Variants in GPC3 observed in about 807,000 individuals in gnomAD.
GPC3 encodes glypican 3.
In GPC3, 3 loss-of-function variants were observed where a neutral mutation model predicts 34.4. The observed-to-expected ratio is 0.09, with a 90% CI of 0.04 to 0.23. The LOEUF (loss-of-function observed/expected upper bound fraction) is 0.23, where lower values mean the gene tolerates loss of function less well. Among genes scored for constraint, GPC3 ranks in the 10% least tolerant of loss-of-function variants. The pLI is 1.00. For missense variants in GPC3, 351 were observed against 445.6 expected, an observed-to-expected ratio of 0.79 and a Z score of 1.91; for synonymous variants, 177 against 174.0, an observed-to-expected ratio of 1.02 and a Z score of -0.13.
chrX:133,581,235 A>G (rs927227940), intron 7 of GPC3, among the ~76,000 whole-genome samples: 3 of 112,312 alleles, frequency 2.7e-5, no homozygotes, highest in East Asian at 5.6e-4. Flanking sequence ...TGAGGAAAAA[A>G]GTTTATGGAT....
intron 7 of GPC3, among the ~76,000 whole-genome samples, chrX:133,559,278 A>C (rs2069521695): frequency 9.0e-6 from 1 of 111,627 alleles, no homozygotes; most frequent in African/African-American, 3.3e-5. Context: ...GGCATTGGGG[A>C]CAGGAGAACC....
chrX:133,536,245 T>A lies in GPC3; in HGVS notation c.1622A>T (p.Gln541Leu). The change falls in exon 8 of 8, where the codon CAG becomes CTG. Residue 541 changes from glutamine (Q) to leucine (L), a missense_variant. Coordinates refer to ENST00000370818, the MANE Select transcript of GPC3 (RefSeq NM_004484.4). ...DVDDAPGNSQQATPKDNEIST... is the reference protein window; with the variant it reads ...DVDDAPGNSQLATPKDNEIST... ...TATCTCGTTGTCCTTCGGAGTTGCCTGCTGACTGTTTCCAGGCGCATCATC... is the reference window on the plus strand; with the variant it reads ...TATCTCGTTGTCCTTCGGAGTTGCCAGCTGACTGTTTCCAGGCGCATCATC... 1 of 1,204,709 alleles carries A rather than the reference T, an allele frequency of 8.3e-7. No individual in the cohort carries two copies.
chrX:133,853,835 G>A (rs1381954381), intron 2 of GPC3, among the ~76,000 whole-genome samples: 1 of 112,053 alleles, frequency 8.9e-6, no homozygotes, highest in Non-Finnish European at 1.9e-5. Context: ...ACTGCTGTGA[G>A]GTGTAGGGGA....
At chrX:133,724,284 C>G (rs901070022) in intron 3 of GPC3, among the ~76,000 whole-genome samples, 3 of 111,953 alleles carry the variant, frequency 2.7e-5, no homozygotes, top group Non-Finnish European at 5.6e-5. Flanking sequence ...ATTCAACTAG[C>G]TGAAGGTAAT....
chrX:133,906,153 C>G (rs866802930), intron 2 of GPC3, among the ~76,000 whole-genome samples: 1 of 111,703 alleles, frequency 9.0e-6, no homozygotes, highest in Non-Finnish European at 1.9e-5. Context: ...AACTCAAAAC[C>G]ATTCTATTTC....
intron 2 of GPC3, among the ~76,000 whole-genome samples, chrX:133,817,418 G>A (rs758782060): frequency 1.8e-5 from 2 of 111,233 alleles, no homozygotes; most frequent in East Asian, 2.8e-4. Context: ...TTTTCCTAAG[G>A]GAAGTGTGGT....
At chrX:133,619,485 T>C (rs2070205891) in intron 6 of GPC3, among the ~76,000 whole-genome samples, 1 of 112,021 alleles carries the variant, frequency 8.9e-6, no homozygotes, top group African/African-American at 3.2e-5. Flanking sequence ...TTCTATACAA[T>C]GAAATACTAT....
chrX:133,892,488 G>T (rs764899186), intron 2 of GPC3, among the ~76,000 whole-genome samples: 4 of 111,414 alleles, frequency 3.6e-5, no homozygotes, highest in African/African-American at 6.5e-5. Flanking sequence ...CTTTAACCTT[G>T]CTGAATGGGG....
intron 3 of GPC3, among the ~76,000 whole-genome samples, chrX:133,726,619 A>T (rs1354086244): frequency 1.8e-5 from 2 of 110,910 alleles, no homozygotes; most frequent in Non-Finnish European, 3.8e-5. Context: ...TCACTCTCTT[A>T]TTACCTCACC....
intron 1 of GPC3, among the ~76,000 whole-genome samples, chrX:133,959,399 T>C (rs1434012841): frequency 8.9e-6 from 1 of 112,295 alleles, no homozygotes; most frequent in Non-Finnish European, 1.9e-5. Flanking sequence ...GCCAACAGTG[T>C]GTATAGGGCT....
At chrX:133,767,632 G>A (rs901665856) in intron 2 of GPC3, among the ~76,000 whole-genome samples, 1 of 110,664 alleles carries the variant, frequency 9.0e-6, no homozygotes, top group Non-Finnish European at 1.9e-5. Context: ...AAGGCCAGGG[G>A]ACTGTTGAAG....
chrX:133,984,080 C>T (rs757163124), intron 1 of GPC3, among the ~76,000 whole-genome samples: 5 of 113,198 alleles, frequency 4.4e-5, no homozygotes, highest in Non-Finnish European at 9.4e-5. Context: ...CATCCGCATT[C>T]ACAACTTGGT....
chrX:133,857,946 A>G (rs1449978854), intron 2 of GPC3, among the ~76,000 whole-genome samples: 1 of 112,202 alleles, frequency 8.9e-6, no homozygotes, highest in Non-Finnish European at 1.9e-5. Context: ...TAGTCATGTT[A>G]TAAGAGTGGG....
At chrX:133,703,944 T>C (rs1177042470) in intron 3 of GPC3, among the ~76,000 whole-genome samples, 2 of 112,444 alleles carry the variant, frequency 1.8e-5, no homozygotes. Context: ...ACACATAAAA[T>C]ACTAATGATA....
intron 2 of GPC3, among the ~76,000 whole-genome samples, chrX:133,873,389 T>G (rs763943981): frequency 8.9e-6 from 1 of 112,117 alleles, no homozygotes; most frequent in African/African-American, 3.2e-5. Flanking sequence ...CCAGTCCCAA[T>G]ATATATATTC....
intron 3 of GPC3, among the ~76,000 whole-genome samples, chrX:133,728,691 T>C (rs2071436119): frequency 8.9e-6 from 1 of 112,451 alleles, no homozygotes; most frequent in African/African-American, 3.2e-5. Flanking sequence ...TGAATCCAAT[T>C]TGAGACAACA....
At chrX:133,734,853 T>C in intron 3 of GPC3, among the ~76,000 whole-genome samples, 1 of 111,018 alleles carries the variant, frequency 9.0e-6, no homozygotes, top group Non-Finnish European at 1.9e-5. Flanking sequence ...TAACCCAAAA[T>C]GAAATTAAGA....
At chrX:133,757,853 C>T (rs187106990) in intron 2 of GPC3, among the ~76,000 whole-genome samples, 1 of 111,912 alleles carries the variant, frequency 8.9e-6, no homozygotes, top group East Asian at 2.8e-4. Flanking sequence ...CTGCAAGGTA[C>T]ATGCCAGGAT....
intron 7 of GPC3, among the ~76,000 whole-genome samples, chrX:133,582,858 A>T (rs767108787): frequency 5.4e-5 from 6 of 110,991 alleles, no homozygotes; most frequent in Non-Finnish European, 9.4e-5. Flanking sequence ...ACAATACAGC[A>T]ATCAGCACTA....
Sources: allele counts gnomAD v4.1 joint callset (sites outside exome capture counted in the v4.1 genomes callset), GRCh38; gene constraint gnomAD v4.1.1; transcripts MANE v1.5; gene names NCBI Gene and HGNC (gene_info 2026-07-23, HGNC 2026-07-21).